Variants in EXOC6B observed in about 807,000 individuals in gnomAD.
EXOC6B encodes the protein exocyst complex component 6B.
A neutral mutation model predicts 113.5 loss-of-function variants in EXOC6B; 54 were observed. The observed-to-expected ratio is 0.48, with a 90% CI of 0.38 to 0.60. EXOC6B has a LOEUF of 0.60. EXOC6B is among the 20% of genes least tolerant of loss of function. The probability of loss-of-function intolerance (pLI) is 0.00; values close to 1 mark genes in which losing one functional copy is unlikely to be tolerated. For missense variants in EXOC6B, 797 were observed against 977.5 expected (o/e 0.82, Z 2.46); for synonymous variants, 357 against 339.0 (o/e 1.05, Z -0.58).
At chr2:72,735,255 A>AC (rs2104790286) in intron 2 of EXOC6B, among the ~76,000 whole-genome samples, 1 of 152,158 alleles carries the variant, frequency 6.6e-6, no homozygotes, top group South Asian at 2.1e-4. Flanking sequence ...ACCATTTCTC[A>AC]CTTTTTTTCA....
intron 1 of EXOC6B, among the ~76,000 whole-genome samples, chr2:72,822,730 T>C (rs930433436): frequency 3.3e-5 from 5 of 152,184 alleles, no homozygotes; most frequent in African/African-American, 1.2e-4. Context: ...TGTTCGTTAG[T>C]TTCTCTTCAG....
intron 6 of EXOC6B, among the ~76,000 whole-genome samples, chr2:72,586,716 C>A (rs576270616): frequency 1.8e-4 from 28 of 151,984 alleles, no homozygotes; most frequent in African/African-American, 6.3e-4. Flanking sequence ...CGCGCCACTG[C>A]ACGCTAGCCT....
chr2:72,409,256 T>C (rs1160921702), intron 18 of EXOC6B, among the ~76,000 whole-genome samples: 1 of 152,218 alleles, frequency 6.6e-6, no homozygotes, highest in East Asian at 1.9e-4. Context: ...GGAACACTTT[T>C]ACACTGTTGG....
chr2:72,322,697 C>A (rs1687903878), intron 20 of EXOC6B, among the ~76,000 whole-genome samples: 1 of 152,134 alleles, frequency 6.6e-6, no homozygotes, highest in African/African-American at 2.4e-5. Flanking sequence ...ACATCTATAA[C>A]CATCTGATAT....
At chr2:72,639,236 C>A (rs953411356) in intron 6 of EXOC6B, among the ~76,000 whole-genome samples, 1 of 152,176 alleles carries the variant, frequency 6.6e-6, no homozygotes, top group Non-Finnish European at 1.5e-5. Flanking sequence ...CAGAGTGAGA[C>A]AGCCCTGACC....
intron 20 of EXOC6B, among the ~76,000 whole-genome samples, chr2:72,261,747 T>C (rs1466574508): frequency 6.6e-6 from 1 of 152,194 alleles, no homozygotes; most frequent in Non-Finnish European, 1.5e-5. Flanking sequence ...AGGTGGATAT[T>C]ATAAATCTAC....
At chr2:72,601,145 TGTG>T (rs1670407175) in intron 6 of EXOC6B, among the ~76,000 whole-genome samples, 1 of 150,272 alleles carries the variant, frequency 6.7e-6, no homozygotes, top group Admixed American at 6.7e-5. Context: ...TGTGTGTGTG[TGTG>T]TGTGTGTGTG....
intron 6 of EXOC6B, among the ~76,000 whole-genome samples, chr2:72,699,620 AT>A (rs1233336426): frequency 6.6e-6 from 1 of 152,126 alleles, no homozygotes; most frequent in South Asian, 2.1e-4. Context: ...AGGCTGGACT[AT>A]TTTTTGGCAT....
chr2:72,185,003 G>A (rs1450016888), intron 20 of EXOC6B, among the ~76,000 whole-genome samples: 1 of 152,230 alleles, frequency 6.6e-6, no homozygotes, highest in African/African-American at 2.4e-5. Flanking sequence ...GGGAGATTTT[G>A]ACTGAGAGAA....
intron 19 of EXOC6B, among the ~76,000 whole-genome samples, chr2:72,344,880 G>A (rs1689235105): frequency 6.6e-6 from 1 of 152,006 alleles, no homozygotes; most frequent in African/African-American, 2.4e-5. Context: ...TTTAGCCAGA[G>A]GAGCAGGAGC....
chr2:72,708,162 C>CA (rs1276439569), intron 6 of EXOC6B, among the ~76,000 whole-genome samples: 1 of 152,046 alleles, frequency 6.6e-6, no homozygotes, highest in Non-Finnish European at 1.5e-5. Context: ...TGGAAAAAAT[C>CA]AAGTTCCCAA....
intron 18 of EXOC6B, among the ~76,000 whole-genome samples, chr2:72,438,730 G>A (rs940068119): frequency 7.2e-5 from 11 of 152,108 alleles, no homozygotes; most frequent in African/African-American, 2.4e-4. Context: ...TAAAATAAAT[G>A]TAACATAAAA....
intron 20 of EXOC6B, among the ~76,000 whole-genome samples, chr2:72,271,442 A>G (rs1405860575): frequency 6.6e-6 from 1 of 152,040 alleles, no homozygotes; most frequent in African/African-American, 2.4e-5. Flanking sequence ...ACAATAGAGA[A>G]GGATGATCTA....
chr2:72,315,762 G>C (rs994029225), intron 20 of EXOC6B, among the ~76,000 whole-genome samples: 3 of 152,018 alleles, frequency 2.0e-5, no homozygotes, highest in African/African-American at 7.2e-5. Flanking sequence ...GATGAAGAGA[G>C]CTGTAAAAGG....
At chr2:72,798,175 C>A (rs984906855) in intron 1 of EXOC6B, among the ~76,000 whole-genome samples, 4 of 152,070 alleles carry the variant, frequency 2.6e-5, no homozygotes. Context: ...AGAACACCTA[C>A]AAAGACAAAA....
intron 6 of EXOC6B, among the ~76,000 whole-genome samples, chr2:72,698,417 G>T (rs1054219203): frequency 2.0e-5 from 3 of 151,988 alleles, no homozygotes; most frequent in Non-Finnish European, 4.4e-5. Context: ...TAAAGAAGGA[G>T]GTAAACTCTT....
rs369114831 is a variant in EXOC6B, at chr2:72,654,172, G to A, written c.669+63931C>T. ...TTTTTAGTAGAGACGGGGTTTCACCGTGTTAGCCAGGATGGTCTCGATCTC... is the reference window on the plus strand; with the variant it reads ...TTTTTAGTAGAGACGGGGTTTCACCATGTTAGCCAGGATGGTCTCGATCTC... On this transcript the variant is annotated intron_variant, in intron 6 of 21. Transcript: ENST00000272427. Among the ~76,000 whole-genome samples, 28 of 152,094 alleles carry A rather than the reference G, an allele frequency of 1.8e-4. 2 individuals are homozygous for A. The highest frequency in any genetic ancestry group is 4.6e-4 in the Admixed American group (7 of 15,266).
intron 8 of EXOC6B, among the ~76,000 whole-genome samples, chr2:72,532,620 C>G (rs894827118): frequency 6.6e-6 from 1 of 152,004 alleles, no homozygotes; most frequent in Admixed American, 6.5e-5. Context: ...CCAGCCTGAC[C>G]AACATGGGGA....
intron 1 of EXOC6B, among the ~76,000 whole-genome samples, chr2:72,743,429 C>T (rs999201276): frequency 1.3e-5 from 2 of 152,202 alleles, no homozygotes; most frequent in African/African-American, 4.8e-5. Flanking sequence ...AAATTCCCTT[C>T]CATCCTCTAA....
Sources: gnomAD v4.1 joint callset for allele counts (sites outside exome capture counted in the v4.1 genomes callset) on GRCh38, gnomAD v4.1.1 for gene constraint, MANE v1.5 for transcripts, NCBI Gene and HGNC (gene_info 2026-07-23, HGNC 2026-07-21) for gene names.